Variants in FLT1 observed in about 807,000 individuals in gnomAD.
FLT1 encodes vascular endothelial growth factor receptor 1.
FLT1 carries 49 observed loss-of-function variants against 156.3 expected under a neutral mutation model. The ratio of observed to expected loss-of-function variants is 0.31; its 90% CI spans 0.25 to 0.40. The LOEUF (loss-of-function observed/expected upper bound fraction) is 0.40. Among genes scored for constraint, FLT1 ranks in the 10% least tolerant of loss-of-function variants. The pLI is 1.00. For missense variants in FLT1, 1,322 were observed against 1,637.2 expected (o/e 0.81, Z 3.32); for synonymous variants, 594 against 583.8 (o/e 1.02, Z -0.25).
At chr13:28,368,776 C>T (rs768999494) in intron 14 of FLT1, 36 of 604,444 alleles carry the variant, frequency 6.0e-5, no homozygotes, top group Non-Finnish European at 8.8e-5. Flanking sequence ...GCAATCTCTG[C>T]GCACTGCAAT....
intron 1 of FLT1, among the ~76,000 whole-genome samples, chr13:28,483,845 A>T (rs1243718601): frequency 2.0e-5 from 3 of 152,186 alleles, no homozygotes; most frequent in Non-Finnish European, 2.9e-5. Flanking sequence ...CCAAACCCTG[A>T]AAACAAAACT....
Position 28,495,053 on chromosome 13 carries a change from G to C in FLT1, c.-210C>G. On this transcript the variant is annotated 5_prime_UTR_variant, in exon 1 of 30. Coordinates refer to ENST00000282397, the MANE Select transcript of FLT1 (RefSeq NM_002019.4). This position sits in a 1 kb window ranked among gnomAD's most constrained non-coding sequence, Gnocchi z 4.1. ...GCACCCGAGCCCCGGAGCCCGCTCC[G>C]AGCCGCCGCCGCTGCCGGGGAGGAG... The C allele has an allele frequency of 2.1e-6, 1 of 472,522 alleles. No homozygotes were observed. Among genetic ancestry groups the C allele is most frequent in the Non-Finnish European group, 3.7e-6 (1 of 272,564 alleles). 29.3% of individuals were successfully genotyped at this position (472,522 alleles called of 1,614,324 possible). A position where few individuals can be genotyped will look rare whatever the true frequency, so the allele number is the denominator to read the frequency against.
chr13:28,446,287 G>C (rs769376793), intron 3 of FLT1, among the ~76,000 whole-genome samples: 2 of 152,178 alleles, frequency 1.3e-5, no homozygotes, highest in Non-Finnish European at 2.9e-5. Flanking sequence ...ATTCAATAGT[G>C]TACTAGAGGT....
Position 28,431,245 on chromosome 13 carries a change from G to A in FLT1, c.879C>T (p.Tyr293=), listed in dbSNP as rs1877664417. 6 of 1,613,570 alleles carry A rather than the reference G, an allele frequency of 3.7e-6. No individual in the cohort carries two copies. Among genetic ancestry groups the A allele is most frequent in the South Asian group, 1.1e-5 (1 of 91,074 alleles). The part of the protein sequence containing the change: ...DQSNSHANIF[Y]SVLTIDKMQN... ...GCATTTTGTCAATAGTAAGAACACTGTAGAATATGTTGGCATGGGAATTGC... is the reference window on the plus strand; with the variant it reads ...GCATTTTGTCAATAGTAAGAACACTATAGAATATGTTGGCATGGGAATTGC... Residue 293 remains tyrosine, a synonymous_variant, in exon 7 of 30, where the codon TAC becomes TAT. Transcript: ENST00000282397.
chr13:28,344,096 C>T (rs143495839), intron 16 of FLT1, among the ~76,000 whole-genome samples: 1 of 152,090 alleles, frequency 6.6e-6, no homozygotes, highest in Non-Finnish European at 1.5e-5. Flanking sequence ...CCACTCCCCC[C>T]ATTCCTGCCT....
rs201402962 is a variant in FLT1 at position 28,306,693 on chromosome 13, G to C, written c.3800C>G (p.Ala1267Gly). 68 of 1,612,396 alleles carry C rather than the reference G, an allele frequency of 4.2e-5. No individual in the cohort carries two copies. The highest frequency in any genetic ancestry group is 5.5e-5 in the Non-Finnish European group (65 of 1,178,552). Residue 1267 changes from alanine (A) to glycine (G), a missense_variant, in exon 29 of 30, where the codon GCC (alanine) becomes GGC (glycine). Physicochemically the swap from Ala to Gly is moderately conservative, Grantham distance 60. This residue lies in a region of FLT1 where 329 missense variants were observed against 366.2 expected (regional missense o/e 0.90). Coordinates refer to ENST00000282397, the MANE Select transcript of FLT1 (RefSeq NM_002019.4). ...RFTWTDSKPK[A>G]SLKIDLRVTS... ...CAATTCTTACTCAATCTTGAGCGAG[G>C]CCTTGGGTTTGCTGTCAGTCCAGGT...
At chr13:28,357,818 G>C (rs560245920) in intron 14 of FLT1, 133 bp from the exon 15 acceptor site, 24 of 783,336 alleles carry the variant, frequency 3.1e-5, no homozygotes, top group African/African-American at 1.9e-4. Context: ...CCTGGGGCAG[G>C]GTTGCTTATT....
At chr13:28,404,286 C>T (rs567088649) in intron 11 of FLT1, among the ~76,000 whole-genome samples, 4 of 152,252 alleles carry the variant, frequency 2.6e-5, no homozygotes, top group South Asian at 4.1e-4. Context: ...TAAGCTATTG[C>T]CACTCTGACT....
chr13:28,321,685 A>C, intron 22 of FLT1, 100 bp from the exon 23 acceptor site: 2 of 1,264,986 alleles, frequency 1.6e-6, no homozygotes, highest in South Asian at 2.4e-5. Flanking sequence ...AATCCATTTC[A>C]CATGCTGTGA....
intron 3 of FLT1, among the ~76,000 whole-genome samples, chr13:28,442,696 G>A (rs1319313771): frequency 1.7e-5 from 2 of 118,770 alleles, no homozygotes; most frequent in African/African-American, 7.5e-5. Context: ...GCATATGACT[G>A]TAGATACACA....
At chr13:28,492,210 T>G (rs1881510374) in intron 1 of FLT1, among the ~76,000 whole-genome samples, 1 of 152,246 alleles carries the variant, frequency 6.6e-6, no homozygotes, top group African/African-American at 2.4e-5. Flanking sequence ...TTTAATATTA[T>G]TAATATGGAC....
chr13:28,308,790 T>A lies in FLT1; in HGVS notation c.3720+53A>T. The A allele has an allele frequency of 2.8e-6, 3 of 1,081,698 alleles. No individual in the cohort carries two copies. The East Asian group carries it at 7.1e-5, about 25-fold the overall frequency. The allele number at this position is 1,081,698 out of a possible 1,614,324, so 67.0% of individuals were successfully genotyped here. The stretch of plus-strand genomic sequence containing the variant: ...TACTGGCGTTGGTGTTTGGAAGGGA[T>A]CTGAAGAAGGGGTCTATCGGGGTGC... On this transcript the variant is annotated intron_variant, in intron 28 of 29. Coordinates refer to ENST00000282397, the MANE Select transcript of FLT1 (RefSeq NM_002019.4).
chr13:28,342,004 T>C (rs1442614916), intron 16 of FLT1, among the ~76,000 whole-genome samples: 1 of 152,180 alleles, frequency 6.6e-6, no homozygotes, highest in African/African-American at 2.4e-5. Context: ...TGCTTCAGCT[T>C]CCCGAGTAGC....
In FLT1 at chr13:28,410,504, C is replaced by T. The variant is rs1188175224; in HGVS notation, c.1437-4610G>A. On this transcript the variant is annotated intron_variant, in intron 10 of 29. Coordinates refer to ENST00000282397, the MANE Select transcript of FLT1 (RefSeq NM_002019.4). Reference sequence around the variant, plus strand: ...AAAATTCTCATTTCATAAATGATTTCCTGCCAGTCTAATAACCACATTGAT... The same window carrying T: ...AAAATTCTCATTTCATAAATGATTTTCTGCCAGTCTAATAACCACATTGAT... Among the ~76,000 whole-genome samples, 3 of 152,214 alleles carry T rather than the reference C, an allele frequency of 2.0e-5. 1 individual carries two copies. The highest frequency in any genetic ancestry group is 2.9e-5 in the Non-Finnish European group (2 of 68,048).
At chr13:28,427,445 C>A in intron 9 of FLT1, 127 bp from the exon 10 acceptor site, 2 of 881,678 alleles carry the variant, frequency 2.3e-6, no homozygotes, top group Non-Finnish European at 1.9e-6. Flanking sequence ...AACAAAAAAA[C>A]AAATAAACCC....
chr13:28,383,507 C>CA (rs1874167413), intron 14 of FLT1, among the ~76,000 whole-genome samples: 3 of 151,878 alleles, frequency 2.0e-5, no homozygotes, highest in Admixed American at 6.6e-5. Context: ...ACTAAAAATA[C>CA]AAAAAATTAG....
At position 28,301,340 on chromosome 13, in the gene FLT1, T is replaced by C. The variant is rs1870508956; in HGVS notation, c.*1827A>G. The C allele has an allele frequency of 4.3e-6, 1 of 233,054 alleles. No individual in the cohort carries two copies. The highest frequency in any genetic ancestry group is 8.5e-6 in the Non-Finnish European group (1 of 118,002). The allele number at this position is 233,054 out of a possible 1,614,324, so 14.4% of individuals were successfully genotyped here. On this transcript the variant is annotated 3_prime_UTR_variant, in exon 30 of 30. Coordinates refer to ENST00000282397, the MANE Select transcript of FLT1 (RefSeq NM_002019.4). The stretch of plus-strand genomic sequence containing the variant: ...TCTTCTGGCTCTAGCCTGCTTTTGT[T>C]TGGATTTAGATCTTGGTGGAGAGGA...
At chr13:28,366,888 A>C (rs927530971) in intron 14 of FLT1, among the ~76,000 whole-genome samples, 1 of 151,992 alleles carries the variant, frequency 6.6e-6, no homozygotes, top group Non-Finnish European at 1.5e-5. Flanking sequence ...TTATCTGCCC[A>C]CTCCACTGTG....
intron 1 of FLT1, among the ~76,000 whole-genome samples, chr13:28,477,088 AG>A (rs1320555232): frequency 1.3e-5 from 2 of 152,238 alleles, no homozygotes; most frequent in Admixed American, 6.5e-5. Flanking sequence ...AATGTTTACC[AG>A]GAAAAAATGC....
Sources: allele counts gnomAD v4.1 joint callset (sites outside exome capture counted in the v4.1 genomes callset), GRCh38; gene constraint gnomAD v4.1.1; regional missense constraint gnomAD v4.1.1; non-coding constraint Gnocchi (gnomAD v3.1); transcripts MANE v1.5; gene names NCBI Gene and HGNC (gene_info 2026-07-23, HGNC 2026-07-21).